The following GPS1 variants were observed in gnomAD, a reference collection of about 807,000 sequenced individuals.
GPS1 encodes G protein pathway suppressor 1.
GPS1 carries 11 observed loss-of-function variants against 60.0 expected under a neutral mutation model. That is an observed-to-expected ratio of 0.18 (90% CI 0.12 to 0.30). The LOEUF (loss-of-function observed/expected upper bound fraction) is 0.30. Among genes scored for constraint, GPS1 ranks in the 10% least tolerant of loss-of-function variants. The probability of loss-of-function intolerance (pLI) is 1.00; values close to 1 mark genes in which losing one functional copy is unlikely to be tolerated. For missense variants in GPS1, 543 were observed against 669.2 expected, an observed-to-expected ratio of 0.81 and a Z score of 2.08; for synonymous variants, 343 against 269.8, an observed-to-expected ratio of 1.27 and a Z score of -2.66.
intron 3 of GPS1, 184 bp downstream of exon 3, chr17:82,054,233 T>C (rs1265952559): frequency 1.3e-6 from 1 of 752,042 alleles, no homozygotes; most frequent in Non-Finnish European, 2.1e-6. Context: ...TCTGTGTGTG[T>C]GCATGCAGGG....
rs933429212 is a variant in GPS1, at chr17:82,053,635, G to A, written c.127-233G>A. The stretch of plus-strand genomic sequence containing the variant: ...CAGTCACTAGTGGGTGTCTATCCCC[G>A]AAAGCCCCCGGGTGCAGGGTCCCAC... On this transcript the variant is annotated intron_variant, in intron 2 of 12. Transcript: ENST00000578552. 4.0e-5 allele frequency: 22 copies of A among 555,340 alleles called. No homozygotes were observed. The Admixed American group carries it at 5.9e-4, about 15-fold the overall frequency. The allele number at this position is 555,340 out of a possible 1,614,324, so 34.4% of individuals were successfully genotyped here.
rs1245503778 is a variant in GPS1 at position 82,057,347 on chromosome 17, G to A, written c.*220G>A. ...GCAGGGCTCGACCCTGTGGGTTTCT[G>A]TCCCCAGGGAGCAGACTGTGCGGCA... On this transcript the variant is annotated 3_prime_UTR_variant, in exon 13 of 13. Coordinates refer to ENST00000578552, the MANE Select transcript of GPS1 (RefSeq NM_001321092.3). 4 of 718,318 alleles carry A rather than the reference G, an allele frequency of 5.6e-6. No homozygotes were observed. The highest frequency in any genetic ancestry group is 2.5e-6 in the Non-Finnish European group (1 of 400,390). The allele number at this position is 718,318 out of a possible 1,614,324, so 44.5% of individuals were successfully genotyped here.
intron 3 of GPS1, 123 bp from the exon 4 acceptor site, chr17:82,054,387 C>T (rs1677183194): frequency 1.5e-6 from 2 of 1,290,570 alleles, no homozygotes; most frequent in Non-Finnish European, 1.0e-6. Flanking sequence ...GGTTTGAGGC[C>T]AGCGGGAGGT....
In GPS1 at chr17:82,056,522, C is replaced by T; in HGVS notation, c.1088C>T (p.Thr363Ile). Reference protein sequence around the residue: ...YLAPHVRTLYTQIRNRALIQY... With the variant: ...YLAPHVRTLYIQIRNRALIQY... ...GCCCCCCATGTCAGGACCCTGTACACCCAGATTCGCAACCGTGCCCTCATC... is the reference window on the plus strand; with the variant it reads ...GCCCCCCATGTCAGGACCCTGTACATCCAGATTCGCAACCGTGCCCTCATC... Residue 363 changes from threonine to isoleucine, a missense_variant, in exon 10 of 13, where the codon ACC becomes ATC. Transcript: ENST00000578552. 1 of 1,613,142 alleles carries T rather than the reference C, an allele frequency of 6.2e-7. No homozygotes were observed. Among genetic ancestry groups the T allele is most frequent in the South Asian group, 1.1e-5 (1 of 91,076 alleles).
At chr17:82,053,391 T>C in intron 2 of GPS1, 25 bp downstream of exon 2, 1 of 1,439,760 alleles carries the variant, frequency 6.9e-7, no homozygotes, top group Non-Finnish European at 9.1e-7. Flanking sequence ...GGGGGGACCT[T>C]GGGTGTCTCA....
At chr17:82,056,164 G>A (rs1007010597) in intron 8 of GPS1, 69 bp downstream of exon 8, 10 of 1,424,248 alleles carry the variant, frequency 7.0e-6, no homozygotes, top group Non-Finnish European at 6.9e-6. Flanking sequence ...CTTCGGCCTT[G>A]CATGTCCTGG....
intron 6 of GPS1, 33 bp from the exon 7 acceptor site, chr17:82,055,707 T>TCCCCCCACCCCCCCCCCCGCTCCCC: frequency 9.6e-7 from 1 of 1,038,626 alleles, no homozygotes; most frequent in Non-Finnish European, 1.5e-6. Context: ...TTACCCCCTC[T>TCCCCCCACCCCCCCCCCCGCTCCCC]CCCCCCTCCC....
intron 4 of GPS1, 31 bp from the exon 5 acceptor site, chr17:82,054,867 G>GGGCTCACTTGGCTCTGCGCCCC (rs1568057020): frequency 6.4e-7 from 1 of 1,569,004 alleles, no homozygotes; most frequent in African/African-American, 1.3e-5. Context: ...TGGGGCGCCC[G>GGGCTCACTTGGCTCTGCGCCCC]GGCTCACTTG....
intron 1 of GPS1, chr17:82,052,508 C>T: frequency 1.3e-6 from 2 of 1,584,046 alleles, no homozygotes; most frequent in Non-Finnish European, 1.7e-6. Context: ...GGAGCAGGGC[C>T]CCGGCCGCCC....
intron 8 of GPS1, 60 bp downstream of exon 8, chr17:82,056,155 T>C (rs1598522687): frequency 1.4e-6 from 2 of 1,466,150 alleles, no homozygotes; most frequent in Non-Finnish European, 1.9e-6. Context: ...TGGCTGCTGC[T>C]TCGGCCTTGC....
chr17:82,051,627 G>T, upstream of GPS1: 3 of 1,160,634 alleles, frequency 2.6e-6, no homozygotes, highest in Non-Finnish European at 3.2e-6. The surrounding 1 kb of genome is among the most constrained non-coding windows in gnomAD (Gnocchi z 4.1). Flanking sequence ...GGGCCGGGAC[G>T]GGGGCGCGCG....
chr17:82,053,586 C>G, intron 2 of GPS1: 2 of 521,000 alleles, frequency 3.8e-6, no homozygotes. Context: ...GGCAGGTCTC[C>G]TCCCCGCTCA....
At position 82,056,770 on chromosome 17, in the gene GPS1, G is replaced by A; in HGVS notation, c.1254+4G>A. The A allele has an allele frequency of 1.9e-6, 3 of 1,596,616 alleles. No individual in the cohort carries two copies. The highest frequency in any genetic ancestry group is 1.1e-5 in the South Asian group (1 of 88,758). ...CCGTGTGGACTCACACAGCAAGGTG[G>A]CTGTGGGCTGCGGGGCGGTGGGGGC... On this transcript the variant is annotated splice_donor_region_variant and intron_variant, in intron 11 of 12. Transcript: ENST00000578552.
chr17:82,052,119 G>C (rs1241493806), intron 1 of GPS1, 155 bp downstream of exon 1: 2 of 870,248 alleles, frequency 2.3e-6, no homozygotes, highest in East Asian at 1.2e-4. Flanking sequence ...GGGGGCTGCA[G>C]GGCCGAGGGC....
At chr17:82,052,558 CA>C in intron 1 of GPS1, 2 of 1,405,846 alleles carry the variant, frequency 1.4e-6, no homozygotes, top group Non-Finnish European at 1.9e-6. Context: ...TGGCCGAGGA[CA>C]GGGACTCAGT....
rs1246195774 is a variant in GPS1 at position 82,056,019 on chromosome 17, G to T, written c.853G>T (p.Val285Leu). The change falls in exon 8 of 13, where the codon GTG becomes TTG. Residue 285 changes from valine (V) to leucine (L), a missense_variant. Around this residue, in one of 3 missense-constraint regions of GPS1, gnomAD observed 291 missense variants for 353.7 expected, o/e 0.82. Coordinates refer to ENST00000578552, the MANE Select transcript of GPS1 (RefSeq NM_001321092.3). ...DFPELLSPSN[V>L]AIYGGLCALA... ...TCCTCAGCTGCTGTCCCCCAGCAACGTGGCCATCTACGGTGGCCTGTGCGC... is the reference window on the plus strand; with the variant it reads ...TCCTCAGCTGCTGTCCCCCAGCAACTTGGCCATCTACGGTGGCCTGTGCGC... 1.2e-6 allele frequency: 2 copies of T among 1,611,480 alleles called. No individual in the cohort carries two copies. The highest frequency in any genetic ancestry group is 2.2e-5 in the East Asian group (1 of 44,884).
intron 1 of GPS1, chr17:82,052,773 T>C (rs2031218422): frequency 4.8e-6 from 2 of 414,718 alleles, no homozygotes; most frequent in African/African-American, 4.0e-5. Context: ...CTCCCTGAGA[T>C]GACTCTTTTC....
intron 5 of GPS1, 56 bp downstream of exon 5, chr17:82,055,031 C>T: frequency 6.2e-7 from 1 of 1,602,966 alleles, no homozygotes; most frequent in South Asian, 1.1e-5. Context: ...ACTGCTGGCC[C>T]CTCCTGTCCT....
At chr17:82,052,346 G>A (rs956030974) in intron 1 of GPS1, 3 of 1,612,790 alleles carry the variant, frequency 1.9e-6, no homozygotes, top group Admixed American at 3.3e-5. Flanking sequence ...CTCCTCGTCA[G>A]TGACAGATCT....
Sources: gnomAD v4.1 joint callset for allele counts on GRCh38, gnomAD v4.1.1 for gene constraint, gnomAD v4.1.1 regional missense constraint, Gnocchi (gnomAD v3.1) non-coding constraint, MANE v1.5 for transcripts, NCBI Gene and HGNC (gene_info 2026-07-23, HGNC 2026-07-21) for gene names.